Variants in DYNC2LI1 observed in about 807,000 individuals in gnomAD.
The protein encoded by DYNC2LI1 is cytoplasmic dynein 2 light intermediate chain 1.
Under a neutral mutation model 51.9 loss-of-function variants are expected in DYNC2LI1, and 45 were observed. The observed-to-expected ratio is 0.87, with a 90% CI of 0.68 to 1.11. DYNC2LI1 has a LOEUF of 1.11. DYNC2LI1 is among the 50% of genes most tolerant of loss of function. The probability of loss-of-function intolerance (pLI) is 0.00; values close to 1 mark genes in which losing one functional copy is unlikely to be tolerated. For missense variants in DYNC2LI1, 490 were observed against 417.4 expected (o/e 1.17, Z -1.51); for synonymous variants, 130 against 137.8 (o/e 0.94, Z 0.40).
intron 1 of DYNC2LI1, among the ~76,000 whole-genome samples, chr2:43,774,937 A>C (rs1672943430): frequency 6.6e-6 from 1 of 152,236 alleles, no homozygotes. Flanking sequence ...AAACAGCCCG[A>C]AACTGAGTTC....
At position 43,804,558 on chromosome 2, in the gene DYNC2LI1, C is replaced by A; in HGVS notation, c.803-84C>A. 3 of 882,276 alleles carry A rather than the reference C, an allele frequency of 3.4e-6. No individual in the cohort carries two copies. In the South Asian group the frequency reaches 5.7e-5, roughly 17 times the overall value. 54.7% of individuals were successfully genotyped at this position (882,276 alleles called of 1,614,324 possible). On this transcript the variant is annotated intron_variant, in intron 10 of 12. Coordinates refer to ENST00000260605, the MANE Select transcript of DYNC2LI1 (RefSeq NM_016008.4). ...AAAATGAGTGATCCGAGATGTATAC[C>A]TTTGTTAGTGTCATTTCTTTTATTG...
chr2:43,774,209 C>T, intron 1 of DYNC2LI1, 63 bp downstream of exon 1: 2 of 1,600,092 alleles, frequency 1.2e-6, no homozygotes, highest in Non-Finnish European at 1.7e-6. Flanking sequence ...GAGAGGAAGC[C>T]CAGGCGGGAC....
chr2:43,789,592 A>G, intron 4 of DYNC2LI1, 41 bp from the exon 5 acceptor site: 1 of 1,490,220 alleles, frequency 6.7e-7, no homozygotes. Flanking sequence ...ACATATAAGA[A>G]GTACTTAAAC....
At chr2:43,796,365 A>C (rs1674037149) in intron 7 of DYNC2LI1, among the ~76,000 whole-genome samples, 1 of 151,870 alleles carries the variant, frequency 6.6e-6, no homozygotes. Context: ...CAACCCAGTC[A>C]CTGGGGAATA....
At chr2:43,782,033 G>A (rs1223231545) in intron 2 of DYNC2LI1, among the ~76,000 whole-genome samples, 1 of 152,028 alleles carries the variant, frequency 6.6e-6, no homozygotes, top group Non-Finnish European at 1.5e-5. Flanking sequence ...GTGTGTGTGT[G>A]TGTACTTCAA....
intron 3 of DYNC2LI1, among the ~76,000 whole-genome samples, chr2:43,785,072 C>T (rs867512579): frequency 2.6e-5 from 4 of 151,908 alleles, no homozygotes; most frequent in Admixed American, 2.6e-4. Flanking sequence ...GCAAGGCAGG[C>T]GGATCGCTTG....
chr2:43,794,381 A>C (rs1199694630), intron 5 of DYNC2LI1, 76 bp from the exon 6 acceptor site: 4 of 1,397,752 alleles, frequency 2.9e-6, no homozygotes, highest in Non-Finnish European at 3.8e-6. Context: ...TTATTCTTAG[A>C]TAAATTTCAG....
rs551306807 is a variant in DYNC2LI1, at chr2:43,800,041, A to G, written c.655-800A>G. Among the ~76,000 whole-genome samples, 3 of 152,318 alleles carry G rather than the reference A, an allele frequency of 2.0e-5. No individual in the cohort carries two copies. In the South Asian group the frequency reaches 6.2e-4, roughly 32 times the overall value. ...CATAACGCTGATACCTTTGCTTCAC[A>G]ATTAGATTTCATTTCAGTTCAAAGT... On this transcript the variant is annotated intron_variant, in intron 8 of 12. Coordinates refer to ENST00000260605, the MANE Select transcript of DYNC2LI1 (RefSeq NM_016008.4).
chr2:43,806,448 G>T (rs563529218), intron 12 of DYNC2LI1, among the ~76,000 whole-genome samples: 9 of 152,216 alleles, frequency 5.9e-5, no homozygotes, highest in African/African-American at 2.2e-4. Context: ...TATGTAAACG[G>T]TCCAGAAGAC....
the DYNC2LI1 span, among the ~76,000 whole-genome samples, chr2:43,817,118 G>A: frequency 1.3e-5 from 2 of 152,216 alleles, no homozygotes; most frequent in African/African-American, 4.8e-5. Flanking sequence ...GAATTCATAT[G>A]AAGCCTTGGG....
intron 12 of DYNC2LI1, among the ~76,000 whole-genome samples, chr2:43,808,540 G>A (rs2104726274): frequency 6.6e-6 from 1 of 152,294 alleles, no homozygotes; most frequent in South Asian, 2.1e-4. Context: ...CATGTAGGAG[G>A]CCAAGAGGCA....
the DYNC2LI1 span, among the ~76,000 whole-genome samples, chr2:43,825,694 C>A: frequency 0.35 from 53,632 of 151,740 alleles, 10,836 homozygotes; most frequent in East Asian, 0.82. Context: ...CTCTCTGCAA[C>A]CTCCTGGGTT....
downstream of DYNC2LI1, among the ~76,000 whole-genome samples, chr2:43,811,456 C>T (rs1378025589): frequency 2.0e-5 from 3 of 152,198 alleles, no homozygotes; most frequent in East Asian, 1.9e-4. Flanking sequence ...AGTTAGGTCA[C>T]AGTCAGTGAA....
At chr2:43,799,332 A>G (rs1392922515) in intron 8 of DYNC2LI1, among the ~76,000 whole-genome samples, 5 of 152,120 alleles carry the variant, frequency 3.3e-5, no homozygotes, top group East Asian at 3.9e-4. Flanking sequence ...TCGCCCCCCA[A>G]AAGAACAGGA....
chr2:43,787,200 A>G lies in DYNC2LI1; in HGVS notation c.181A>G (p.Thr61Ala), dbSNP rs1299277967. 4 of 1,613,400 alleles carry G rather than the reference A, an allele frequency of 2.5e-6. No individual in the cohort carries two copies. The highest frequency in any genetic ancestry group is 4.5e-5 in the East Asian group (2 of 44,828). Residue 61 changes from threonine to alanine, a missense_variant, in exon 4 of 13, where the codon ACC becomes GCC. Physicochemically the swap from Thr to Ala is moderately conservative, Grantham distance 58. Coordinates refer to ENST00000260605, the MANE Select transcript of DYNC2LI1 (RefSeq NM_016008.4). ...CLDRDEPPKPTLALEYTYGRR... is the reference protein window; with the variant it reads ...CLDRDEPPKPALALEYTYGRR... ...ATACAGAGATGAACCACCAAAACCA[A>G]CCTTAGCTTTGGAATATACATATGG...
chr2:43,787,988 A>G (rs1457777949), intron 4 of DYNC2LI1, among the ~76,000 whole-genome samples: 3 of 152,242 alleles, frequency 2.0e-5, no homozygotes, highest in Non-Finnish European at 2.9e-5. Flanking sequence ...GGATTCACCA[A>G]TGAAAGTGGG....
intron 2 of DYNC2LI1, 47 bp downstream of exon 2, chr2:43,776,946 G>T: frequency 1.0e-6 from 1 of 977,040 alleles, no homozygotes; most frequent in Admixed American, 2.0e-5. Context: ...AACAACCATT[G>T]GTAAAATATC....
rs553701498 is a variant in DYNC2LI1, at chr2:43,796,907, C to T, written c.654+112C>T. ...AATGCTTTTGCTAATGCACATGGTC[C>T]CGTTGCTTTCCCACTGCTGAAGACC... On this transcript the variant is annotated intron_variant, in intron 8 of 12. Coordinates refer to ENST00000260605, the MANE Select transcript of DYNC2LI1 (RefSeq NM_016008.4). 9.0e-5 allele frequency: 70 copies of T among 780,042 alleles called. 1 individual carries two copies. In the South Asian group the frequency reaches 1.1e-3, roughly 13 times the overall value. The allele number at this position is 780,042 out of a possible 1,614,324, so 48.3% of individuals were successfully genotyped here.
the DYNC2LI1 span, among the ~76,000 whole-genome samples, chr2:43,815,910 GAAA>G: frequency 9.6e-6 from 1 of 104,060 alleles, no homozygotes; most frequent in Non-Finnish European, 2.1e-5. Flanking sequence ...AACAGGAAAA[GAAA>G]AAAAAAAAAA....
Sources: gnomAD v4.1 joint callset for allele counts (sites outside exome capture counted in the v4.1 genomes callset) on GRCh38, gnomAD v4.1.1 for gene constraint, MANE v1.5 for transcripts, NCBI Gene and HGNC (gene_info 2026-07-23, HGNC 2026-07-21) for gene names.